MACROD2: variants seen among roughly 807,000 people sequenced by gnomAD.
MACROD2 encodes the protein mono-ADP ribosylhydrolase 2, also known as ADP-ribose glycohydrolase MACROD2.
Under a neutral mutation model 70.4 loss-of-function variants are expected in MACROD2, and 36 were observed. The observed-to-expected ratio is 0.51, with a 90% CI of 0.39 to 0.68. The LOEUF (loss-of-function observed/expected upper bound fraction) is 0.68, where lower values mean the gene tolerates loss of function less well. MACROD2 is among the 30% of genes least tolerant of loss of function. The pLI is 0.00. For synonymous variants in MACROD2, 172 were observed against 178.8 expected, an observed-to-expected ratio of 0.96 and a Z score of 0.30; for missense variants, 496 against 538.4, an observed-to-expected ratio of 0.92 and a Z score of 0.78.
intron 4 of MACROD2, among the ~76,000 whole-genome samples, chr20:14,534,295 T>C (rs866606216): frequency 1.6e-4 from 25 of 152,250 alleles, no homozygotes; most frequent in Admixed American, 8.5e-4. Flanking sequence ...CTGGGTCACT[T>C]TTCTGGGTCT....
At chr20:14,885,156 A>C (rs924352708) in intron 5 of MACROD2, among the ~76,000 whole-genome samples, 1 of 152,172 alleles carries the variant, frequency 6.6e-6, no homozygotes, top group African/African-American at 2.4e-5. Flanking sequence ...GGCCATGTTT[A>C]TACTACATGC....
At chr20:15,898,211 T>C (rs1256288177) in intron 10 of MACROD2, among the ~76,000 whole-genome samples, 1 of 152,138 alleles carries the variant, frequency 6.6e-6, no homozygotes, top group Non-Finnish European at 1.5e-5. Context: ...TGTGGCTCAT[T>C]CAAATCCAAG....
At chr20:14,798,760 AG>A (rs1219314612) in intron 5 of MACROD2, among the ~76,000 whole-genome samples, 1 of 152,076 alleles carries the variant, frequency 6.6e-6, no homozygotes, top group African/African-American at 2.4e-5. Flanking sequence ...AAACAAGAAA[AG>A]GTAACTCTGT....
intron 6 of MACROD2, among the ~76,000 whole-genome samples, chr20:15,400,548 A>G (rs1351667499): frequency 6.6e-6 from 1 of 152,162 alleles, no homozygotes; most frequent in South Asian, 2.1e-4. Flanking sequence ...ATATTTTTCA[A>G]TTTAAACTGG....
intron 2 of MACROD2, among the ~76,000 whole-genome samples, chr20:14,005,081 C>G (rs1217572237): frequency 6.6e-6 from 1 of 151,984 alleles, no homozygotes; most frequent in Non-Finnish European, 1.5e-5. Flanking sequence ...AGGGGAGCAG[C>G]CAAATATATT....
rs1350824101 is a variant in MACROD2, at chr20:14,249,725, T to A, written c.271+163997T>A. Among the ~76,000 whole-genome samples the A allele has an allele frequency of 5.9e-5, 9 of 152,120 alleles. 1 individual carries two copies. The East Asian group carries it at 1.2e-3, about 20-fold the overall frequency. On this transcript the variant is annotated intron_variant, in intron 3 of 17. Coordinates refer to ENST00000684519, the MANE Select transcript of MACROD2 (RefSeq NM_001351661.2). ...CTATCGTACCTTGTAAAGCTTTTTT[T>A]AAAAAAAACTTCAGAGTGATTTTGA...
intron 3 of MACROD2, among the ~76,000 whole-genome samples, chr20:14,309,213 C>T (rs998563486): frequency 6.6e-6 from 1 of 152,098 alleles, no homozygotes; most frequent in African/African-American, 2.4e-5. Context: ...GACCGAGGGA[C>T]AGTATGATTC....
At chr20:14,479,897 T>C (rs1459017630) in intron 3 of MACROD2, among the ~76,000 whole-genome samples, 9 of 152,232 alleles carry the variant, frequency 5.9e-5, no homozygotes, top group African/African-American at 2.2e-4. Flanking sequence ...TTAAATAAGA[T>C]ACAAGGTCTT....
intron 4 of MACROD2, among the ~76,000 whole-genome samples, chr20:14,543,980 A>G (rs1221343743): frequency 6.6e-6 from 1 of 152,204 alleles, no homozygotes; most frequent in Non-Finnish European, 1.5e-5. Context: ...TATTCACTAA[A>G]TGTCTATTTG....
chr20:15,212,538 T>C (rs2076773282), intron 5 of MACROD2, among the ~76,000 whole-genome samples: 1 of 152,110 alleles, frequency 6.6e-6, no homozygotes, highest in African/African-American at 2.4e-5. Flanking sequence ...AATGATAGCT[T>C]GTCATTAGTG....
chr20:15,364,363 A>G (rs979907951), intron 6 of MACROD2, among the ~76,000 whole-genome samples: 10 of 152,070 alleles, frequency 6.6e-5, no homozygotes, highest in Non-Finnish European at 1.3e-4. Context: ...TTCCTGCCCT[A>G]TTGTTCCTGT....
intron 13 of MACROD2, 46 bp downstream of exon 13, chr20:15,967,676 A>C: frequency 8.2e-7 from 1 of 1,222,404 alleles, no homozygotes; most frequent in Non-Finnish European, 1.1e-6. Flanking sequence ...TTCTGCTGGG[A>C]AACAGAAAAA....
chr20:14,157,588 A>T (rs2055121064), intron 3 of MACROD2, among the ~76,000 whole-genome samples: 1 of 151,944 alleles, frequency 6.6e-6, no homozygotes, highest in South Asian at 2.1e-4. Context: ...GTATCTTATC[A>T]CTTTACTCTC....
chr20:14,551,489 T>C lies in MACROD2; in HGVS notation c.301+57981T>C, dbSNP rs1457719473. Among the ~76,000 whole-genome samples the C allele has an allele frequency of 2.0e-5, 3 of 152,322 alleles. No homozygotes were observed. In the South Asian group the frequency reaches 6.2e-4, roughly 32 times the overall value. ...TCATAATTTCTGACATAGTAAGTTA[T>C]GTTGAGGAAAATAGGCACATTATAT... On this transcript the variant is annotated intron_variant, in intron 4 of 17. Coordinates refer to ENST00000684519, the MANE Select transcript of MACROD2 (RefSeq NM_001351661.2).
chr20:14,411,212 G>T (rs2122865922), intron 3 of MACROD2, among the ~76,000 whole-genome samples: 1 of 152,184 alleles, frequency 6.6e-6, no homozygotes, highest in Middle Eastern at 3.4e-3. Context: ...AGCCAAGATT[G>T]CCCAGTATTC....
intron 8 of MACROD2, among the ~76,000 whole-genome samples, chr20:15,592,316 G>A (rs2048691146): frequency 6.6e-6 from 1 of 152,184 alleles, no homozygotes; most frequent in Admixed American, 6.5e-5. Context: ...TTGCAGAGAT[G>A]GGTCAGCGAT....
At chr20:14,741,986 A>G (rs2123720722) in intron 5 of MACROD2, among the ~76,000 whole-genome samples, 1 of 152,288 alleles carries the variant, frequency 6.6e-6, no homozygotes, top group South Asian at 2.1e-4. Context: ...ACTGTCATGA[A>G]GAGAGAAAAA....
intron 4 of MACROD2, among the ~76,000 whole-genome samples, chr20:14,663,763 T>C (rs528392454): frequency 1.1e-3 from 162 of 152,238 alleles, no homozygotes; most frequent in African/African-American, 3.6e-3. Flanking sequence ...TACGCATTAA[T>C]TGTCACAATG....
At chr20:15,409,292 T>C (rs1568785266) in intron 6 of MACROD2, among the ~76,000 whole-genome samples, 4 of 152,200 alleles carry the variant, frequency 2.6e-5, no homozygotes, top group Non-Finnish European at 5.9e-5. Context: ...CTTCTTTGCC[T>C]TATTTTCTGT....
Sources: gnomAD v4.1 joint callset for allele counts (sites outside exome capture counted in the v4.1 genomes callset) on GRCh38, gnomAD v4.1.1 for gene constraint, MANE v1.5 for transcripts, NCBI Gene and HGNC (gene_info 2026-07-23, HGNC 2026-07-21) for gene names.